Variants in SLC8A3 observed in about 807,000 individuals in gnomAD.
The protein encoded by SLC8A3 is solute carrier family 8 member A3, also known as sodium/calcium exchanger 3.
SLC8A3 carries 37 observed loss-of-function variants against 65.4 expected under a neutral mutation model. The ratio of observed to expected loss-of-function variants is 0.57; its 90% CI spans 0.44 to 0.74. The LOEUF (loss-of-function observed/expected upper bound fraction) is 0.74, where lower values mean the gene tolerates loss of function less well. Among genes scored for constraint, SLC8A3 ranks in the 30% least tolerant of loss-of-function variants. The pLI is 0.00. For synonymous variants in SLC8A3, 461 were observed against 444.5 expected, an observed-to-expected ratio of 1.04 and a Z score of -0.47; for missense variants, 1,112 against 1,172.1, an observed-to-expected ratio of 0.95 and a Z score of 0.75.
At chr14:70,117,993 G>A (rs1893778104) in intron 2 of SLC8A3, among the ~76,000 whole-genome samples, 1 of 152,222 alleles carries the variant, frequency 6.6e-6, no homozygotes, top group African/African-American at 2.4e-5. Context: ...TGACCCTGGT[G>A]CTTCCCCATT....
intron 2 of SLC8A3, among the ~76,000 whole-genome samples, chr14:70,123,577 G>A (rs1894231266): frequency 6.6e-6 from 1 of 151,662 alleles, no homozygotes; most frequent in African/African-American, 2.4e-5. Context: ...AGCCTCCCGA[G>A]TAGCTAGGAT....
intron 2 of SLC8A3, among the ~76,000 whole-genome samples, chr14:70,142,677 T>C (rs1895656272): frequency 6.6e-6 from 1 of 152,268 alleles, no homozygotes; most frequent in African/African-American, 2.4e-5. Flanking sequence ...TATTCATTTC[T>C]GAGGGAACCT....
chr14:70,083,813 C>T (rs1171822128), intron 2 of SLC8A3, among the ~76,000 whole-genome samples: 1 of 152,120 alleles, frequency 6.6e-6, no homozygotes, highest in Admixed American at 6.5e-5. Context: ...GAAAATGAGG[C>T]CAGGGATCTT....
rs1027633803 is a variant in SLC8A3, at chr14:70,178,914, C to G, written c.-63+9465G>C. The stretch of plus-strand genomic sequence containing the variant: ...TCTTTAAAATGTAAATCAGATAGAT[C>G]ATGCAATTCTTTGTATCCTCTCTCT... On this transcript the variant is annotated intron_variant, in intron 1 of 6. Coordinates refer to ENST00000356921, the MANE Select transcript of SLC8A3 (RefSeq NM_182932.3). Among the ~76,000 whole-genome samples, 11 of 152,332 alleles carry G rather than the reference C, an allele frequency of 7.2e-5. No individual in the cohort carries two copies. In the East Asian group the frequency reaches 1.5e-3, roughly 21 times the overall value.
chr14:70,083,126 T>C (rs1025318837), intron 2 of SLC8A3, among the ~76,000 whole-genome samples: 1 of 152,220 alleles, frequency 6.6e-6, no homozygotes, highest in African/African-American at 2.4e-5. Context: ...CTGTTCCACT[T>C]TGGAGACTGA....
intron 2 of SLC8A3, among the ~76,000 whole-genome samples, chr14:70,130,011 C>T (rs1198423195): frequency 6.6e-6 from 1 of 152,214 alleles, no homozygotes; most frequent in Non-Finnish European, 1.5e-5. Context: ...TAGTCACCAG[C>T]AGTATTTCCT....
intron 2 of SLC8A3, among the ~76,000 whole-genome samples, chr14:70,115,167 A>C (rs983264398): frequency 6.6e-6 from 1 of 152,150 alleles, no homozygotes; most frequent in Non-Finnish European, 1.5e-5. Context: ...AATTCCAGGA[A>C]GCACTTGGGA....
chr14:70,053,174 T>C (rs1428187737), intron 3 of SLC8A3, among the ~76,000 whole-genome samples: 2 of 152,208 alleles, frequency 1.3e-5, no homozygotes, highest in African/African-American at 4.8e-5. Flanking sequence ...TCCTAAAATG[T>C]CTGGGAGCTG....
At chr14:70,072,161 G>T (rs937569451) in intron 2 of SLC8A3, among the ~76,000 whole-genome samples, 2 of 152,194 alleles carry the variant, frequency 1.3e-5, no homozygotes, top group African/African-American at 2.4e-5. Flanking sequence ...ATTCTGAAAT[G>T]TCTGGGTTTA....
intron 6 of SLC8A3, 107 bp downstream of exon 6, chr14:70,048,660 T>C: frequency 1.0e-6 from 1 of 984,456 alleles, no homozygotes; most frequent in Non-Finnish European, 1.6e-6. Context: ...GCAGAGGCTC[T>C]GTTAAGTTCA....
At chr14:70,171,015 G>T (rs1009594553) in intron 1 of SLC8A3, among the ~76,000 whole-genome samples, 2 of 152,228 alleles carry the variant, frequency 1.3e-5, no homozygotes, top group Admixed American at 1.3e-4. Flanking sequence ...CATTCATTCA[G>T]AGGTTTGACA....
chr14:70,077,587 A>G (rs537263666), intron 2 of SLC8A3, among the ~76,000 whole-genome samples: 26 of 152,296 alleles, frequency 1.7e-4, no homozygotes, highest in South Asian at 1.5e-3. Context: ...GACCTTGGAT[A>G]AGGAGAAGTT....
intron 3 of SLC8A3, among the ~76,000 whole-genome samples, chr14:70,057,868 C>A (rs1410245149): frequency 6.6e-6 from 1 of 151,992 alleles, no homozygotes; most frequent in Non-Finnish European, 1.5e-5. Context: ...AAAGGAGGAC[C>A]AAACAGGCCC....
chr14:70,105,786 G>GA (rs201829206), intron 2 of SLC8A3, among the ~76,000 whole-genome samples: 8 of 151,042 alleles, frequency 5.3e-5, no homozygotes, highest in African/African-American at 9.7e-5. Context: ...AACCTTACAA[G>GA]AAAAAAAAAT....
At chr14:70,052,852 A>T (rs1887658623) in intron 3 of SLC8A3, among the ~76,000 whole-genome samples, 2 of 152,048 alleles carry the variant, frequency 1.3e-5, no homozygotes, top group South Asian at 4.2e-4. Flanking sequence ...CACACAGTAA[A>T]CCTCCTAGGG....
At chr14:70,108,471 C>T (rs1893034173) in intron 2 of SLC8A3, among the ~76,000 whole-genome samples, 1 of 151,808 alleles carries the variant, frequency 6.6e-6, no homozygotes, top group African/African-American at 2.4e-5. Context: ...TCTTTTCATT[C>T]TTACAATGTC....
intron 1 of SLC8A3, among the ~76,000 whole-genome samples, chr14:70,185,347 G>A (rs901606334): frequency 6.6e-5 from 10 of 152,212 alleles, no homozygotes; most frequent in African/African-American, 1.9e-4. Context: ...CTGATCATGG[G>A]CAATGACTGA....
chr14:70,056,315 C>G (rs996071742), intron 3 of SLC8A3, among the ~76,000 whole-genome samples: 5 of 152,166 alleles, frequency 3.3e-5, no homozygotes, highest in South Asian at 2.1e-4. Flanking sequence ...AAGAGTGGAA[C>G]AGTGCCCAGG....
chr14:70,186,155 A>C (rs1219836010), intron 1 of SLC8A3, among the ~76,000 whole-genome samples: 2 of 151,822 alleles, frequency 1.3e-5, no homozygotes, highest in Non-Finnish European at 2.9e-5. Flanking sequence ...ACAAGATCTG[A>C]TGGCTTTGTA....
Sources: allele counts gnomAD v4.1 joint callset (sites outside exome capture counted in the v4.1 genomes callset), GRCh38; gene constraint gnomAD v4.1.1; transcripts MANE v1.5; gene names NCBI Gene and HGNC (gene_info 2026-07-23, HGNC 2026-07-21).